FBXL13: variants seen among roughly 807,000 people sequenced by gnomAD.
The protein encoded by FBXL13 is F-box and leucine rich repeat protein 13.
FBXL13 carries 67 observed loss-of-function variants against 83.6 expected under a neutral mutation model. That is an observed-to-expected ratio of 0.80 (90% confidence interval 0.66 to 0.98). The LOEUF (loss-of-function observed/expected upper bound fraction) is 0.98, where lower values mean the gene tolerates loss of function less well. FBXL13 is among the 50% of genes least tolerant of loss of function. The pLI is 0.00. For missense variants in FBXL13, 822 were observed against 866.5 expected (o/e 0.95, Z 0.64); for synonymous variants, 272 against 299.5 (o/e 0.91, Z 0.95).
chr7:103,021,180 A>G (rs915256466), intron 6 of FBXL13, among the ~76,000 whole-genome samples: 1 of 152,356 alleles, frequency 6.6e-6, no homozygotes, highest in South Asian at 2.1e-4. Context: ...ATAATGCCGC[A>G]TATCTACAAC....
At chr7:102,867,180 C>T (rs1035998382) in intron 16 of FBXL13, among the ~76,000 whole-genome samples, 5 of 151,960 alleles carry the variant, frequency 3.3e-5, no homozygotes, top group African/African-American at 4.8e-5. Context: ...ATAGCAAGAC[C>T]CCATCTCTAC....
intron 9 of FBXL13, among the ~76,000 whole-genome samples, chr7:102,926,663 C>T (rs551450050): frequency 9.9e-5 from 15 of 152,222 alleles, no homozygotes; most frequent in African/African-American, 2.4e-4. Context: ...CTCTGTCACA[C>T]GAAATTTGAG....
chr7:102,892,990 G>A (rs1292051895), intron 11 of FBXL13, among the ~76,000 whole-genome samples: 1 of 152,122 alleles, frequency 6.6e-6, no homozygotes, highest in East Asian at 1.9e-4. Flanking sequence ...AAAGGAAAAT[G>A]GAATCAGCCA....
In FBXL13 at chr7:102,985,590, T is replaced by C. The variant is rs568870432; in HGVS notation, c.496-17473A>G. On this transcript the variant is annotated intron_variant, in intron 6 of 19. Transcript: ENST00000313221. ...ATGTTTATGAAATCAGTGAATTCCA[T>C]AGAGCTGGAAGACATAGCTGACTCA... Among the ~76,000 whole-genome samples, 80 of 152,244 alleles carry C rather than the reference T, an allele frequency of 5.3e-4. 1 individual carries two copies. The highest frequency in any genetic ancestry group is 1.8e-3 in the African/African-American group (76 of 41,536).
At chr7:102,842,650 G>C (rs1483225589) in intron 17 of FBXL13, among the ~76,000 whole-genome samples, 5 of 152,230 alleles carry the variant, frequency 3.3e-5, no homozygotes, top group African/African-American at 9.6e-5. Flanking sequence ...CTCCAGAGAG[G>C]AATGTGTAGA....
chr7:102,947,246 A>T (rs777595970), intron 8 of FBXL13, among the ~76,000 whole-genome samples: 3 of 152,208 alleles, frequency 2.0e-5, no homozygotes, highest in Non-Finnish European at 2.9e-5. Context: ...TGACAACAGA[A>T]TCACACTGGA....
intron 8 of FBXL13, chr7:102,942,443 C>A: frequency 1.9e-6 from 2 of 1,045,666 alleles, no homozygotes; most frequent in Non-Finnish European, 2.7e-6. Flanking sequence ...AAGAAGATAC[C>A]CTACTAGGGG....
At chr7:102,968,032 A>G (rs200990715) in exon 7 of FBXL13, 1 of 1,612,180 alleles carries the variant, frequency 6.2e-7, no homozygotes, top group East Asian at 2.2e-5. Flanking sequence ...AGCATTCCAC[A>G]GTGAGTTTAG....
intron 8 of FBXL13, among the ~76,000 whole-genome samples, chr7:102,959,406 G>C (rs1485681974): frequency 6.6e-6 from 1 of 151,804 alleles, no homozygotes; most frequent in East Asian, 1.9e-4. Flanking sequence ...GTCACTATAT[G>C]TGTGTGTACT....
At chr7:102,876,332 C>A (rs1308062524) in intron 16 of FBXL13, among the ~76,000 whole-genome samples, 1 of 152,106 alleles carries the variant, frequency 6.6e-6, no homozygotes, top group Non-Finnish European at 1.5e-5. Flanking sequence ...GGACAGAAGA[C>A]AACATTGAGA....
chr7:102,887,275 G>A (rs1766052498), intron 11 of FBXL13, among the ~76,000 whole-genome samples: 1 of 152,188 alleles, frequency 6.6e-6, no homozygotes, highest in Non-Finnish European at 1.5e-5. Flanking sequence ...AACAAGACAG[G>A]TGATTTACAC....
rs980262792 is a variant in FBXL13, at chr7:102,968,069, T to G, written c.544A>C (p.Asn182His). Residue 182 changes from asparagine (N) to histidine (H), a missense_variant, in exon 7 of 20, where the codon AAT becomes CAT. Asn to His is a moderately conservative substitution (Grantham distance 68). Transcript: ENST00000313221. ...TGTGTCATCAACATCCAGGCATGAT[T>G]AACTTGACCACATATTATCACATCT... 5 of 1,613,830 alleles carry G rather than the reference T, an allele frequency of 3.1e-6. No homozygotes were observed. The African/African-American group carries it at 4.0e-5, about 13-fold the overall frequency.
chr7:103,039,428 C>T (rs1027277806), intron 2 of FBXL13, among the ~76,000 whole-genome samples: 36 of 152,130 alleles, frequency 2.4e-4, no homozygotes, highest in African/African-American at 8.0e-4. Context: ...GAAAACTTCC[C>T]TAACCTAGCA....
chr7:103,043,108 T>G (rs1183997835), intron 2 of FBXL13, among the ~76,000 whole-genome samples: 2 of 151,970 alleles, frequency 1.3e-5, no homozygotes, highest in African/African-American at 4.8e-5. Context: ...TACAAAGAAC[T>G]TAAACAAATT....
In FBXL13 at chr7:102,920,426, C is replaced by T. The variant is rs559153644; in HGVS notation, c.878+5848G>A. Among the ~76,000 whole-genome samples the T allele has an allele frequency of 1.4e-3, 213 of 152,110 alleles. 1 individual carries two copies. The highest frequency in any genetic ancestry group is 1.2e-3 in the Non-Finnish European group (84 of 67,988). On this transcript the variant is annotated intron_variant, in intron 10 of 19. Coordinates refer to ENST00000313221, the Ensembl canonical transcript of FBXL13. ...TCTGTCACAGCACAATCATGACTCA[C>T]TGCAGCCTCAACCTCTGTGCTCAAA...
intron 11 of FBXL13, among the ~76,000 whole-genome samples, chr7:102,895,311 C>T (rs1812121218): frequency 6.6e-6 from 1 of 152,090 alleles, no homozygotes; most frequent in South Asian, 2.1e-4. Flanking sequence ...GATGTCCAGG[C>T]AGAGGGCAAA....
intron 8 of FBXL13, among the ~76,000 whole-genome samples, chr7:102,935,632 C>T (rs992894270): frequency 2.0e-5 from 3 of 152,030 alleles, no homozygotes; most frequent in Non-Finnish European, 4.4e-5. Flanking sequence ...AGAAAACAGA[C>T]GGGAGATTTT....
chr7:103,068,516 A>C (rs1798610422), intron 1 of FBXL13, among the ~76,000 whole-genome samples: 2 of 152,246 alleles, frequency 1.3e-5, no homozygotes, highest in South Asian at 2.1e-4. Context: ...GACACATTAC[A>C]AAAATCACAT....
Position 103,024,515 on chromosome 7 carries a change from C to T in FBXL13, c.495+548G>A, listed in dbSNP as rs1228663846. Reference sequence around the variant, plus strand: ...GCACTTCCAGCCTGGGCAACAAGAGCGAAACTCCATCTCAAAAAAAAAAAA... The same window carrying T: ...GCACTTCCAGCCTGGGCAACAAGAGTGAAACTCCATCTCAAAAAAAAAAAA... On this transcript the variant is annotated intron_variant, in intron 6 of 19. Transcript: ENST00000313221. 3.8e-5 allele frequency among the ~76,000 whole-genome samples: 4 copies of T among 104,454 alleles called. No individual in the cohort carries two copies. The South Asian group carries it at 1.1e-3, about 28-fold the overall frequency. 68.5% of individuals were successfully genotyped at this position (104,454 alleles called of 152,430 possible). A position where few individuals can be genotyped will look rare whatever the true frequency, so the allele number is the denominator to read the frequency against.
Sources: gnomAD v4.1 joint callset for allele counts (sites outside exome capture counted in the v4.1 genomes callset) on GRCh38, gnomAD v4.1.1 for gene constraint, MANE v1.5 for transcripts, NCBI Gene and HGNC (gene_info 2026-07-23, HGNC 2026-07-21) for gene names.